EPHA3: variants seen among roughly 807,000 people sequenced by gnomAD.
EPHA3 encodes the protein EPH receptor A3, also known as ephrin type-A receptor 3.
In EPHA3, 42 loss-of-function variants were observed where a neutral mutation model predicts 107.1. The ratio of observed to expected loss-of-function variants is 0.39; its 90% CI spans 0.31 to 0.51. EPHA3 has a LOEUF of 0.51. EPHA3 is among the 20% of genes least tolerant of loss of function. The probability of loss-of-function intolerance (pLI) is 0.78; values close to 1 mark genes in which losing one functional copy is unlikely to be tolerated. For missense variants in EPHA3, 1,183 were observed against 1,211.2 expected (o/e 0.98, Z 0.35); for synonymous variants, 461 against 424.8 (o/e 1.09, Z -1.05).
chr3:89,226,272 C>T (rs1176718144), intron 3 of EPHA3, among the ~76,000 whole-genome samples: 1 of 152,060 alleles, frequency 6.6e-6, no homozygotes, highest in Non-Finnish European at 1.5e-5. Context: ...ATAACAATAG[C>T]ATCTCCTTAG....
At chr3:89,148,668 A>G (rs772875833) in intron 2 of EPHA3, among the ~76,000 whole-genome samples, 7 of 151,952 alleles carry the variant, frequency 4.6e-5, no homozygotes, top group Non-Finnish European at 8.8e-5. Context: ...AAAAATGGCT[A>G]TTTTAGAATA....
At chr3:89,460,584 C>A (rs1156318144) in intron 15 of EPHA3, among the ~76,000 whole-genome samples, 1 of 149,480 alleles carries the variant, frequency 6.7e-6, no homozygotes, top group African/African-American at 2.5e-5. Flanking sequence ...TAGTAAAAAG[C>A]TTCTGATCTC....
At chr3:89,222,474 T>G (rs1448181531) in intron 3 of EPHA3, among the ~76,000 whole-genome samples, 1 of 148,450 alleles carries the variant, frequency 6.7e-6, no homozygotes, top group South Asian at 2.1e-4. Context: ...TATATAGACA[T>G]AAAATGCAAA....
chr3:89,223,419 T>C (rs903773501), intron 3 of EPHA3, among the ~76,000 whole-genome samples: 1 of 152,212 alleles, frequency 6.6e-6, no homozygotes, highest in African/African-American at 2.4e-5. Flanking sequence ...AGATGAATGC[T>C]TGAAGGCTCA....
intron 5 of EPHA3, among the ~76,000 whole-genome samples, chr3:89,388,306 A>G (rs1429698534): frequency 6.6e-6 from 1 of 152,158 alleles, no homozygotes; most frequent in African/African-American, 2.4e-5. Context: ...GGCACCTAAG[A>G]TTCTGAGGGA....
intron 13 of EPHA3, among the ~76,000 whole-genome samples, chr3:89,435,807 G>T (rs1044123078): frequency 6.6e-6 from 1 of 150,384 alleles, no homozygotes; most frequent in African/African-American, 2.4e-5. Context: ...ACAAAAATTA[G>T]CTGGGTGTGG....
At chr3:89,265,097 A>G (rs1705506467) in intron 3 of EPHA3, among the ~76,000 whole-genome samples, 1 of 152,196 alleles carries the variant, frequency 6.6e-6, no homozygotes, top group African/African-American at 2.4e-5. Flanking sequence ...ATGTTCAGCA[A>G]CAATATAGAG....
intron 13 of EPHA3, among the ~76,000 whole-genome samples, chr3:89,437,523 C>G (rs1250581086): frequency 6.6e-6 from 1 of 152,004 alleles, no homozygotes; most frequent in Non-Finnish European, 1.5e-5. Flanking sequence ...TTGCCCTGGT[C>G]TACTAATTTA....
chr3:89,401,372 C>A (rs1708959122), intron 7 of EPHA3, among the ~76,000 whole-genome samples: 1 of 152,102 alleles, frequency 6.6e-6, no homozygotes, highest in African/African-American at 2.4e-5. Context: ...TCTTTTAATC[C>A]TCACAATAAA....
At chr3:89,262,959 C>A (rs1266798698) in intron 3 of EPHA3, among the ~76,000 whole-genome samples, 7 of 130,424 alleles carry the variant, frequency 5.4e-5, no homozygotes, top group African/African-American at 1.8e-4. Flanking sequence ...CATGTTACAG[C>A]GCTCTTTTTT....
intron 3 of EPHA3, among the ~76,000 whole-genome samples, chr3:89,265,139 A>T (rs543311202): frequency 5.3e-5 from 8 of 152,288 alleles, no homozygotes; most frequent in African/African-American, 1.9e-4. Context: ...GGCCTAATAT[A>T]ATTTTTGTTA....
chr3:89,227,872 G>A (rs1704536541), intron 3 of EPHA3, among the ~76,000 whole-genome samples: 1 of 151,936 alleles, frequency 6.6e-6, no homozygotes, highest in Non-Finnish European at 1.5e-5. Flanking sequence ...AAGGTCAAAT[G>A]ACTTAAGCTT....
intron 3 of EPHA3, among the ~76,000 whole-genome samples, chr3:89,296,402 C>A (rs1384179161): frequency 1.3e-5 from 2 of 152,114 alleles, no homozygotes; most frequent in African/African-American, 2.4e-5. Flanking sequence ...CATGGAAAAT[C>A]TTTGTATGTA....
chr3:89,234,619 T>C (rs1182708871), intron 3 of EPHA3, among the ~76,000 whole-genome samples: 2 of 152,154 alleles, frequency 1.3e-5, no homozygotes, highest in Non-Finnish European at 2.9e-5. Flanking sequence ...TAGGAGATTA[T>C]GAGGCTTTCC....
chr3:89,172,019 G>T (rs1323484475), intron 2 of EPHA3, among the ~76,000 whole-genome samples: 4 of 151,978 alleles, frequency 2.6e-5, no homozygotes, highest in Non-Finnish European at 5.9e-5. Context: ...TTCCTTCTTC[G>T]TAACCAACCG....
At chr3:89,181,508 C>T (rs1393292498) in intron 2 of EPHA3, among the ~76,000 whole-genome samples, 2 of 151,572 alleles carry the variant, frequency 1.3e-5, no homozygotes, top group Non-Finnish European at 2.9e-5. Context: ...GTGATGCAGC[C>T]AAATAAACAG....
At chr3:89,169,311 T>C (rs1222832956) in intron 2 of EPHA3, among the ~76,000 whole-genome samples, 1 of 152,168 alleles carries the variant, frequency 6.6e-6, no homozygotes, top group African/African-American at 2.4e-5. Flanking sequence ...TTTATAGATA[T>C]TGTACATATT....
At chr3:89,186,005 C>A (rs1444270603) in intron 2 of EPHA3, among the ~76,000 whole-genome samples, 1 of 151,686 alleles carries the variant, frequency 6.6e-6, no homozygotes, top group African/African-American at 2.4e-5. Flanking sequence ...TTTTTACTTT[C>A]TCTTTTTTCT....
intron 3 of EPHA3, among the ~76,000 whole-genome samples, chr3:89,222,228 T>G (rs1192634116): frequency 1.3e-5 from 2 of 151,646 alleles, no homozygotes; most frequent in African/African-American, 2.4e-5. Flanking sequence ...ATTATTAGCT[T>G]GACAGATCTC....
Sources: allele counts gnomAD v4.1 joint callset (sites outside exome capture counted in the v4.1 genomes callset), GRCh38; gene constraint gnomAD v4.1.1; transcripts MANE v1.5; gene names NCBI Gene and HGNC (gene_info 2026-07-23, HGNC 2026-07-21).